The following KDM2A variants were observed in gnomAD, a reference collection of about 807,000 sequenced individuals.
KDM2A encodes the protein lysine-specific demethylase 2A.
A neutral mutation model predicts 137.3 loss-of-function variants in KDM2A; 3 were observed. That is an observed-to-expected ratio of 0.02 (90% CI 0.01 to 0.06). The LOEUF (loss-of-function observed/expected upper bound fraction) is 0.06, where lower values mean the gene tolerates loss of function less well. KDM2A is among the 10% of genes least tolerant of loss of function. The pLI is 1.00. For missense variants in KDM2A, 738 were observed against 1,510.6 expected (o/e 0.49, Z 8.48); for synonymous variants, 512 against 541.5 (o/e 0.95, Z 0.76).
rs1223019001 is a variant in KDM2A, at chr11:67,257,733, C to T, written c.*2678C>T. ...ATTGTAAATATATATTTTTTTGTTG[C>T]TGATTTAGAGTCAATCTCCAATGTT... On this transcript the variant is annotated 3_prime_UTR_variant, in exon 21 of 21. Transcript: ENST00000529006. The T allele has an allele frequency of 1.3e-5, 2 of 151,712 alleles. No individual in the cohort carries two copies. The highest frequency in any genetic ancestry group is 2.9e-5 in the Non-Finnish European group (2 of 67,968). The allele number at this position is 151,712 out of a possible 1,614,324, so 9.4% of individuals were successfully genotyped here.
chr11:67,142,326 C>T (rs1490734256), intron 2 of KDM2A, among the ~76,000 whole-genome samples: 3 of 151,032 alleles, frequency 2.0e-5, no homozygotes, highest in Non-Finnish European at 4.4e-5. Flanking sequence ...CATGAGCCAC[C>T]GCGCCCACTG....
chr11:67,247,065 ATATATATTTTTTTTTTTTTTTTTT>A (rs1436965993), intron 15 of KDM2A, among the ~76,000 whole-genome samples: 1 of 27,580 alleles, frequency 3.6e-5, no homozygotes, highest in Non-Finnish European at 6.5e-5. Flanking sequence ...ATATATATAT[ATATATATTTTTTTTTTTTTTTTTT>A]TTTTTTTTTT....
At chr11:67,219,666 G>A in intron 10 of KDM2A, 1 of 197,332 alleles carries the variant, frequency 5.1e-6, no homozygotes, top group Non-Finnish European at 1.0e-5. Context: ...GCATCTTCCT[G>A]CCTCAGCCTC....
chr11:67,168,452 A>G lies in KDM2A; in HGVS notation c.43-11627A>G, dbSNP rs184032453. Among the ~76,000 whole-genome samples the G allele has an allele frequency of 3.2e-3, 490 of 152,096 alleles. 1 individual carries two copies. The highest frequency in any genetic ancestry group is 4.5e-3 in the Non-Finnish European group (304 of 68,004). On this transcript the variant is annotated intron_variant, in intron 2 of 20. Transcript: ENST00000529006. ...ATTTGTTGCCCCCTAGTGGCCAGCA[A>G]TCTTCTTGAGTGCTAGGACTACATT...
intron 2 of KDM2A, among the ~76,000 whole-genome samples, chr11:67,164,912 T>C (rs1165896137): frequency 1.3e-5 from 2 of 151,890 alleles, no homozygotes; most frequent in East Asian, 3.9e-4. Flanking sequence ...ATTGTACTTT[T>C]TAATGATGTT....
intron 1 of KDM2A, among the ~76,000 whole-genome samples, chr11:67,120,250 G>A (rs1190368288): frequency 3.3e-5 from 5 of 152,234 alleles, no homozygotes; most frequent in Admixed American, 3.3e-4. Flanking sequence ...GGGGGTGCAA[G>A]CACGGTTTCC....
At chr11:67,247,416 T>A (rs1287699798) in intron 15 of KDM2A, among the ~76,000 whole-genome samples, 1 of 119,012 alleles carries the variant, frequency 8.4e-6, no homozygotes, top group Non-Finnish European at 1.7e-5. Flanking sequence ...TTAACAGCAT[T>A]ACAATCTTTT....
chr11:67,148,907 G>A (rs1434338481), intron 2 of KDM2A: 1 of 152,170 alleles, frequency 6.6e-6, no homozygotes, highest in African/African-American at 2.4e-5. Flanking sequence ...AAGAGCTGGG[G>A]TAGGGGCTGG....
At position 67,215,458 on chromosome 11, in the gene KDM2A, G is replaced by T. The variant is rs774036260; in HGVS notation, c.593+12G>T. ...CCTAAAGTGCAGAAGTAAGTGATGC[G>T]CCCTGCATCTTCCTCCGTGTGCTGT... is the stretch of plus-strand genomic sequence containing the variant. On this transcript the variant is annotated intron_variant, in intron 7 of 20. Coordinates refer to ENST00000529006, the MANE Select transcript of KDM2A (RefSeq NM_012308.3). 3 of 1,540,610 alleles carry T rather than the reference G, an allele frequency of 1.9e-6. No individual in the cohort carries two copies. Among genetic ancestry groups the T allele is most frequent in the Non-Finnish European group, 2.7e-6 (3 of 1,114,310 alleles).
chr11:67,207,342 C>G (rs890377333), intron 5 of KDM2A, among the ~76,000 whole-genome samples, 168 bp from the exon 6 acceptor site: 2 of 152,078 alleles, frequency 1.3e-5, no homozygotes, highest in African/African-American at 4.8e-5. Flanking sequence ...CATTGTCTTT[C>G]CCATTCTTTG....
At chr11:67,216,119 A>G (rs552414571) in intron 8 of KDM2A, among the ~76,000 whole-genome samples, 170 bp downstream of exon 8, 1 of 152,348 alleles carries the variant, frequency 6.6e-6, no homozygotes, top group African/African-American at 2.4e-5. Flanking sequence ...TGTTCAGTAG[A>G]AATTAGTATT....
At chr11:67,230,595 C>T (rs909674769) in intron 11 of KDM2A, among the ~76,000 whole-genome samples, 8 of 151,798 alleles carry the variant, frequency 5.3e-5, no homozygotes, top group African/African-American at 9.7e-5. Flanking sequence ...CACTGCACTC[C>T]AGCCTGGGCA....
chr11:67,253,634 C>G (rs1565428516), intron 19 of KDM2A, 23 bp downstream of exon 19: 1 of 1,610,664 alleles, frequency 6.2e-7, no homozygotes, highest in Non-Finnish European at 8.5e-7. Context: ...CCTGACTTCT[C>G]TGTGCTTGTC....
At chr11:67,209,818 T>C (rs562157834) in intron 6 of KDM2A, among the ~76,000 whole-genome samples, 12 of 151,994 alleles carry the variant, frequency 7.9e-5, no homozygotes, top group African/African-American at 2.9e-4. Flanking sequence ...TCCAGCACTT[T>C]GGGAGGCTGA....
intron 2 of KDM2A, among the ~76,000 whole-genome samples, chr11:67,157,288 G>A (rs1335711162): frequency 4.9e-5 from 7 of 141,454 alleles, no homozygotes; most frequent in Non-Finnish European, 7.5e-5. Context: ...ACTCCATCCA[G>A]CCTGGGCGAC....
intron 5 of KDM2A, among the ~76,000 whole-genome samples, chr11:67,185,964 A>G (rs1857194831): frequency 6.6e-6 from 1 of 152,030 alleles, no homozygotes; most frequent in African/African-American, 2.4e-5. Flanking sequence ...TTTTCTGTCA[A>G]CAGCAACACA....
chr11:67,177,966 CAT>C (rs1857006410), intron 2 of KDM2A, among the ~76,000 whole-genome samples: 2 of 152,136 alleles, frequency 1.3e-5, no homozygotes, highest in South Asian at 4.1e-4. Context: ...GGAACACTGT[CAT>C]ATATGTGCAG....
chr11:67,133,857 G>A (rs1289607946), intron 2 of KDM2A, among the ~76,000 whole-genome samples: 2 of 151,272 alleles, frequency 1.3e-5, no homozygotes, highest in Non-Finnish European at 2.9e-5. Context: ...CCACACCCAG[G>A]TAATTTTTGT....
At chr11:67,145,207 A>G (rs1856215747) in intron 2 of KDM2A, among the ~76,000 whole-genome samples, 1 of 151,108 alleles carries the variant, frequency 6.6e-6, no homozygotes, top group Non-Finnish European at 1.5e-5. Context: ...CCTTGAGGCT[A>G]ATCGCTGTTG....
Sources: allele counts gnomAD v4.1 joint callset (sites outside exome capture counted in the v4.1 genomes callset), GRCh38; gene constraint gnomAD v4.1.1; transcripts MANE v1.5; gene names NCBI Gene and HGNC (gene_info 2026-07-23, HGNC 2026-07-21).